Variants in ATP2A3 observed in about 807,000 individuals in gnomAD.
ATP2A3 encodes the protein ATPase sarcoplasmic/endoplasmic reticulum Ca2+ transporting 3.
Under a neutral mutation model 106.8 loss-of-function variants are expected in ATP2A3, and 61 were observed. That is an observed-to-expected ratio of 0.57 (90% CI 0.46 to 0.71). ATP2A3 has a LOEUF of 0.71. ATP2A3 is among the 30% of genes least tolerant of loss of function. ATP2A3 has a pLI of 0.00. For synonymous variants in ATP2A3, 611 were observed against 609.3 expected (o/e 1.00, Z -0.04); for missense variants, 1,201 against 1,423.5 (o/e 0.84, Z 2.52).
rs889793046 is a variant in ATP2A3, at chr17:3,930,464, C to T, written c.2611-30G>A. The T allele has an allele frequency of 1.2e-5, 19 of 1,611,878 alleles. No homozygotes were observed. Among genetic ancestry groups the T allele is most frequent in the Middle Eastern group, 3.3e-4 (2 of 6,082 alleles). On this transcript the variant is annotated intron_variant, in intron 17 of 20. Coordinates refer to ENST00000397041, the MANE Select transcript of ATP2A3 (RefSeq NM_005173.4). This position sits in a 1 kb window ranked among gnomAD's most constrained non-coding sequence, Gnocchi z 5.4. The stretch of plus-strand genomic sequence containing the variant: ...GGGCACCGTGGCAGGTCAGAGAGAG[C>T]GGCAGGTCAGGCGAGGGGCTGGTGG...
chr17:3,940,228 C>T (rs868573640), intron 14 of ATP2A3, among the ~76,000 whole-genome samples: 33 of 151,884 alleles, frequency 2.2e-4, no homozygotes, highest in African/African-American at 6.3e-4. Context: ...TCAGATAGTA[C>T]GCCAAAGATC....
chr17:3,951,548 C>CA (rs754404366), intron 4 of ATP2A3, 33 bp downstream of exon 4: 7 of 1,334,668 alleles, frequency 5.2e-6, no homozygotes, highest in African/African-American at 1.5e-5. Flanking sequence ...GGGAGACCGC[C>CA]CCCCGCCCGG....
chr17:3,941,822 A>C (rs2053797982), intron 12 of ATP2A3, among the ~76,000 whole-genome samples, 168 bp from the exon 13 acceptor site: 1 of 152,200 alleles, frequency 6.6e-6, no homozygotes, highest in Admixed American at 6.5e-5. Context: ...AATGAGAACC[A>C]AGTGGGTCCC....
In ATP2A3 at chr17:3,928,552, C is replaced by T. The variant is rs1597562985; in HGVS notation, c.2980+111G>A. 1.5e-5 allele frequency: 16 copies of T among 1,095,166 alleles called. No individual in the cohort carries two copies. The highest frequency in any genetic ancestry group is 7.8e-5 in the East Asian group (3 of 38,632). 67.8% of individuals were successfully genotyped at this position (1,095,166 alleles called of 1,614,324 possible). On this transcript the variant is annotated intron_variant, in intron 20 of 20. Transcript: ENST00000397041. This position sits in a 1 kb window ranked among gnomAD's most constrained non-coding sequence, Gnocchi z 6.1. Reference sequence around the variant, plus strand: ...ACTTGGTGATCCGAGAACGCCTCCCCGATGTGCAGACAGAGAGGCTCTGCG... The same window carrying T: ...ACTTGGTGATCCGAGAACGCCTCCCTGATGTGCAGACAGAGAGGCTCTGCG...
rs2144251048 is a variant in ATP2A3, at chr17:3,930,184, G to C, written c.2744+117C>G. On this transcript the variant is annotated intron_variant, in intron 18 of 20. Coordinates refer to ENST00000397041, the MANE Select transcript of ATP2A3 (RefSeq NM_005173.4). The surrounding 1 kb of genome is among the most constrained non-coding windows in gnomAD (Gnocchi z 5.4). Reference sequence around the variant, plus strand: ...CCTCAGCCCCCACTCCTCGGCCCCAGCTCCAGGCCCTGCGCCCAGCCCACC... The same window carrying C: ...CCTCAGCCCCCACTCCTCGGCCCCACCTCCAGGCCCTGCGCCCAGCCCACC... 8.9e-7 allele frequency: 1 copy of C among 1,119,634 alleles called. No individual in the cohort carries two copies. Among genetic ancestry groups the C allele is most frequent in the Non-Finnish European group, 1.2e-6 (1 of 853,342 alleles). 69.4% of individuals were successfully genotyped at this position (1,119,634 alleles called of 1,614,324 possible). A position where few individuals can be genotyped will look rare whatever the true frequency, so the allele number is the denominator to read the frequency against.
At chr17:3,960,339 G>A (rs1300429839) in intron 1 of ATP2A3, among the ~76,000 whole-genome samples, 4 of 152,228 alleles carry the variant, frequency 2.6e-5, no homozygotes, top group South Asian at 2.1e-4. Flanking sequence ...CCAAGACGCC[G>A]CTGGCAGGAG....
chr17:3,952,825 C>G (rs1341654888), intron 3 of ATP2A3, among the ~76,000 whole-genome samples: 5 of 152,164 alleles, frequency 3.3e-5, no homozygotes, highest in African/African-American at 9.7e-5. Context: ...CTCCTGGGCT[C>G]AAGCGATTTT....
intron 17 of ATP2A3, among the ~76,000 whole-genome samples, chr17:3,932,395 C>T (rs1017546895): frequency 2.0e-5 from 3 of 151,864 alleles, no homozygotes; most frequent in Non-Finnish European, 4.4e-5. Context: ...CCACCCGCCT[C>T]GGCCTCCCAA....
Position 3,929,251 on chromosome 17 carries a change from G to A in ATP2A3, c.2862+77C>T, listed in dbSNP as rs962214541. On this transcript the variant is annotated intron_variant, in intron 19 of 20. Transcript: ENST00000397041. The surrounding 1 kb of genome is among the most constrained non-coding windows in gnomAD (Gnocchi z 4.3). The stretch of plus-strand genomic sequence containing the variant: ...TCCAGGTAGTTTCCATTGCAGGGGG[G>A]CCAGAGAGGTCCAGTGACCAGCCCA... 6.8e-6 allele frequency: 9 copies of A among 1,325,206 alleles called. No homozygotes were observed. Among genetic ancestry groups the A allele is most frequent in the Non-Finnish European group, 9.5e-6 (9 of 952,134 alleles). 82.1% of individuals were successfully genotyped at this position (1,325,206 alleles called of 1,614,324 possible).
chr17:3,944,188 T>C (rs1597624037), intron 10 of ATP2A3, among the ~76,000 whole-genome samples: 1 of 152,288 alleles, frequency 6.6e-6, no homozygotes, highest in East Asian at 1.9e-4. Context: ...GAAGCCTCAG[T>C]GATCTTCTGT....
At chr17:3,952,095 A>T (rs1484484718) in intron 3 of ATP2A3, among the ~76,000 whole-genome samples, 1 of 152,018 alleles carries the variant, frequency 6.6e-6, no homozygotes, top group Admixed American at 6.6e-5. Flanking sequence ...AAGCCTACGG[A>T]TTCTTTTGAG....
intron 17 of ATP2A3, among the ~76,000 whole-genome samples, chr17:3,932,332 C>T (rs1351957624): frequency 1.3e-5 from 2 of 152,064 alleles, no homozygotes; most frequent in Admixed American, 6.6e-5. Flanking sequence ...GTAGTAGAGA[C>T]GGGGTTTCAT....
intron 1 of ATP2A3, among the ~76,000 whole-genome samples, chr17:3,957,931 T>C (rs540330788): frequency 7.5e-4 from 114 of 152,292 alleles, no homozygotes; most frequent in African/African-American, 2.6e-3. Flanking sequence ...ACTATTCTAA[T>C]CTGAGCCTCC....
In ATP2A3 at chr17:3,964,421, T is replaced by G; in HGVS notation, c.-130A>C. ...CGAGGCCATGTCCGTGCTGGGACCTTACCCGACGGCAGTGGCGGCGGCGGC... is the reference window on the plus strand; with the variant it reads ...CGAGGCCATGTCCGTGCTGGGACCTGACCCGACGGCAGTGGCGGCGGCGGC... On this transcript the variant is annotated 5_prime_UTR_variant, in exon 1 of 21. Coordinates refer to ENST00000397041, the MANE Select transcript of ATP2A3 (RefSeq NM_005173.4). 4 of 333,630 alleles carry G rather than the reference T, an allele frequency of 1.2e-5. No homozygotes were observed. The highest frequency in any genetic ancestry group is 1.8e-5 in the Non-Finnish European group (4 of 223,276). 20.7% of individuals were successfully genotyped at this position (333,630 alleles called of 1,614,324 possible). A position where few individuals can be genotyped will look rare whatever the true frequency, so the allele number is the denominator to read the frequency against.
chr17:3,935,063 T>A (rs970370858), intron 17 of ATP2A3, 129 bp downstream of exon 17: 2 of 978,836 alleles, frequency 2.0e-6, no homozygotes, highest in Non-Finnish European at 3.2e-6. Flanking sequence ...CAGGTGGGGA[T>A]GTTTATTCGT....
In ATP2A3 at chr17:3,937,485, C is replaced by T. The variant is rs772430366; in HGVS notation, c.2252G>A (p.Arg751Gln). ...ASIVAAVEEG[R>Q]AIYSNMKQFI... ...TTGCTTCATGTTGCTGTAGATGGCC[C>T]GGCCCTCCTCCACCGCAGCCACGAT... The change falls in exon 15 of 21, where the codon CGG becomes CAG. Residue 751 changes from arginine to glutamine, a missense_variant. By Grantham distance (43) the Arg-to-Gln change is conservative. Around this residue, in one of 2 missense-constraint regions of ATP2A3, gnomAD observed 935 missense variants for 1,176.7 expected, o/e 0.79. Coordinates refer to ENST00000397041, the MANE Select transcript of ATP2A3 (RefSeq NM_005173.4). 6.2e-7 allele frequency: 1 copy of T among 1,614,124 alleles called. No individual in the cohort carries two copies. The highest frequency in any genetic ancestry group is 1.7e-5 in the Admixed American group (1 of 60,026).
At position 3,941,248 on chromosome 17, in the gene ATP2A3, G is replaced by C. The variant is rs1597613079; in HGVS notation, c.1823C>G (p.Ala608Gly). ...GMLDPPRPEV[A>G]ACITRCYQAG... ...CTGGTAGCAGCGTGTGATGCAGGCA[G>C]CCACCTCAGGTCGCGGCGGGTCCAG... The change falls in exon 14 of 21, where the codon GCT (alanine) becomes GGT (glycine). Residue 608 changes from alanine to glycine, a missense_variant. By Grantham distance (60) the Ala-to-Gly change is moderately conservative. Around this residue, in one of 2 missense-constraint regions of ATP2A3, gnomAD observed 935 missense variants for 1,176.7 expected, o/e 0.79. Coordinates refer to ENST00000397041, the MANE Select transcript of ATP2A3 (RefSeq NM_005173.4). 1.2e-6 allele frequency: 2 copies of C among 1,614,030 alleles called. No homozygotes were observed. The highest frequency in any genetic ancestry group is 8.5e-7 in the Non-Finnish European group (1 of 1,180,012).
chr17:3,939,073 G>A (rs1048482776), intron 14 of ATP2A3, among the ~76,000 whole-genome samples: 1 of 151,920 alleles, frequency 6.6e-6, no homozygotes, highest in African/African-American at 2.4e-5. Context: ...AGGCTGAGGT[G>A]GGAGGATCTC....
intron 8 of ATP2A3, 103 bp from the exon 9 acceptor site, chr17:3,945,251 G>A (rs371458005): frequency 4.3e-6 from 5 of 1,159,008 alleles, no homozygotes; most frequent in African/African-American, 3.2e-5. Context: ...CTGCCCGACC[G>A]AGGGCCAAAC....
Sources: gnomAD v4.1 joint callset for allele counts (sites outside exome capture counted in the v4.1 genomes callset) on GRCh38, gnomAD v4.1.1 for gene constraint, gnomAD v4.1.1 regional missense constraint, Gnocchi (gnomAD v3.1) non-coding constraint, MANE v1.5 for transcripts, NCBI Gene and HGNC (gene_info 2026-07-23, HGNC 2026-07-21) for gene names.